The following COL4A1 variants were observed in gnomAD, a reference collection of about 807,000 sequenced individuals.
COL4A1 encodes collagen alpha-1(IV) chain.
A neutral mutation model predicts 216.6 loss-of-function variants in COL4A1; 40 were observed. That is an observed-to-expected ratio of 0.18 (90% confidence interval 0.14 to 0.24). The LOEUF is 0.24. COL4A1 is among the 10% of genes least tolerant of loss of function. The pLI is 1.00. For missense variants in COL4A1, 1,628 were observed against 2,196.8 expected (o/e 0.74, Z 5.18); for synonymous variants, 839 against 810.7 (o/e 1.03, Z -0.59).
At chr13:110,184,396 AG>A (rs1594558705) in intron 26 of COL4A1, among the ~76,000 whole-genome samples, 1 of 152,232 alleles carries the variant, frequency 6.6e-6, no homozygotes, top group Non-Finnish European at 1.5e-5. Flanking sequence ...TGTGGAATCA[AG>A]AGACCCAAGG....
chr13:110,167,297 C>A, intron 43 of COL4A1, 67 bp from the exon 44 acceptor site: 1 of 1,232,074 alleles, frequency 8.1e-7, no homozygotes, highest in Non-Finnish European at 1.2e-6. Context: ...CAGTAACCTG[C>A]TAGTTGGAAA....
chr13:110,168,507 G>A (rs916109012), intron 43 of COL4A1, among the ~76,000 whole-genome samples: 2 of 152,224 alleles, frequency 1.3e-5, no homozygotes, highest in African/African-American at 4.8e-5. Context: ...AAACATGACT[G>A]TTGCTACTCC....
rs370184092 is a variant in COL4A1 at position 110,219,836 on chromosome 13, G to T, written c.145-5821C>A. 6.8e-5 allele frequency among the ~76,000 whole-genome samples: 4 copies of T among 59,250 alleles called. No individual in the cohort carries two copies. The South Asian group carries it at 2.1e-3, about 30-fold the overall frequency. The allele number at this position is 59,250 out of a possible 152,430, so 38.9% of individuals were successfully genotyped here. A position where few individuals can be genotyped will look rare whatever the true frequency, so the allele number is the denominator to read the frequency against. ...TATATATGTATATATATGTATGTAT[G>T]TATATATGTGTATATATATGTATAT... On this transcript the variant is annotated intron_variant, in intron 2 of 51. Transcript: ENST00000375820.
At chr13:110,166,855 A>C (rs890493784) in intron 44 of COL4A1, among the ~76,000 whole-genome samples, 2 of 152,214 alleles carry the variant, frequency 1.3e-5, no homozygotes, top group Non-Finnish European at 2.9e-5. Context: ...GCTGGTAAGC[A>C]GCCCAAAAAT....
intron 1 of COL4A1, among the ~76,000 whole-genome samples, chr13:110,250,176 AAAC>A (rs1407840348): frequency 6.6e-6 from 1 of 152,074 alleles, no homozygotes; most frequent in Non-Finnish European, 1.5e-5. Flanking sequence ...CCTAATTTGA[AAAC>A]AACAAGAGTT....
chr13:110,302,352 G>A lies in COL4A1; in HGVS notation c.84+4592C>T, dbSNP rs184572030. 4.8e-3 allele frequency among the ~76,000 whole-genome samples: 720 copies of A among 151,016 alleles called. 20 individuals are homozygous for A. Among genetic ancestry groups the A allele is most frequent in the Admixed American group, 0.043 (655 of 15,168 alleles). Reference sequence around the variant, plus strand: ...AGCAAGACAGCCAAGGGGAGGCGTCGCGTGGAAATGTGAAGACGTTGAACT... The same window carrying A: ...AGCAAGACAGCCAAGGGGAGGCGTCACGTGGAAATGTGAAGACGTTGAACT... On this transcript the variant is annotated intron_variant, in intron 1 of 51. Transcript: ENST00000375820.
intron 26 of COL4A1, among the ~76,000 whole-genome samples, chr13:110,184,320 T>A (rs925586204): frequency 1.3e-5 from 2 of 152,272 alleles, no homozygotes; most frequent in Middle Eastern, 3.4e-3. Flanking sequence ...GAAAAGCTAA[T>A]TCCCTTCGAC....
chr13:110,291,049 G>T (rs1884066596), intron 1 of COL4A1, among the ~76,000 whole-genome samples: 1 of 152,210 alleles, frequency 6.6e-6, no homozygotes. Context: ...TGAATCACGT[G>T]CACAGACGTG....
chr13:110,299,122 G>C (rs76494909), intron 1 of COL4A1, among the ~76,000 whole-genome samples: 7 of 152,326 alleles, frequency 4.6e-5, no homozygotes, highest in Admixed American at 4.6e-4. Flanking sequence ...CAAAGAGAAC[G>C]GGGAGGGCCA....
At chr13:110,298,578 A>G (rs939132701) in intron 1 of COL4A1, 4 of 152,216 alleles carry the variant, frequency 2.6e-5, no homozygotes, top group African/African-American at 9.7e-5. Context: ...CCGGACCAAA[A>G]TTTAGGAGTT....
At chr13:110,283,805 A>T (rs1039012640) in intron 1 of COL4A1, among the ~76,000 whole-genome samples, 6 of 152,192 alleles carry the variant, frequency 3.9e-5, no homozygotes, top group Admixed American at 3.9e-4. Context: ...CTTGGACAGC[A>T]GCAGTGGGTG....
rs1284174967 is a variant in COL4A1 at position 110,152,348 on chromosome 13, C to G, written c.4914G>C (p.Arg1638Ser). 1 of 1,614,166 alleles carries G rather than the reference C, an allele frequency of 6.2e-7. No individual in the cohort carries two copies. The highest frequency in any genetic ancestry group is 1.7e-5 in the Admixed American group (1 of 60,024). ...CTCCCACTTACTTGAACATCTCGCTCCTCTCTATGGTGGCGAGCCAAAAGC... is the reference window on the plus strand; with the variant it reads ...CTCCCACTTACTTGAACATCTCGCTGCTCTCTATGGTGGCGAGCCAAAAGC... ...AYSFWLATIE[R>S]SEMFKKPTPS... Residue 1638 changes from arginine (R) to serine (S), a missense_variant, in exon 51 of 52, where the codon AGG becomes AGC. Physicochemically the swap from Arg to Ser is moderately radical, Grantham distance 110. Coordinates refer to ENST00000375820, the MANE Select transcript of COL4A1 (RefSeq NM_001845.6).
intron 1 of COL4A1, among the ~76,000 whole-genome samples, chr13:110,288,008 G>T (rs1883908726): frequency 6.6e-6 from 1 of 151,922 alleles, no homozygotes; most frequent in Admixed American, 6.6e-5. Context: ...TGTAATCTCA[G>T]CACTTTGGGA....
intron 47 of COL4A1, 91 bp downstream of exon 47, chr13:110,163,372 T>C: frequency 9.1e-7 from 1 of 1,103,036 alleles, no homozygotes; most frequent in Non-Finnish European, 1.4e-6. Context: ...TATATCCAAC[T>C]TCATTCTGCT....
chr13:110,198,078 G>GTGTGT (rs1555305317), intron 21 of COL4A1, among the ~76,000 whole-genome samples: 4,284 of 141,916 alleles, frequency 0.03, 86 homozygotes, highest in Middle Eastern at 0.065. Flanking sequence ...TTGTTTCTGG[G>GTGTGT]GTGTGTGTGT....
intron 21 of COL4A1, among the ~76,000 whole-genome samples, chr13:110,197,574 G>T (rs1878963153): frequency 6.6e-6 from 1 of 152,122 alleles, no homozygotes; most frequent in South Asian, 2.1e-4. Flanking sequence ...GTTCCCCAAA[G>T]TCACACATGA....
At chr13:110,269,499 C>T (rs1883163802) in intron 1 of COL4A1, among the ~76,000 whole-genome samples, 1 of 152,060 alleles carries the variant, frequency 6.6e-6, no homozygotes, top group Admixed American at 6.6e-5. Flanking sequence ...TGTTATTTTA[C>T]ATTTATCTTA....
chr13:110,253,804 T>TAC lies in COL4A1; in HGVS notation c.85-11071_85-11070insGT, dbSNP rs75694929. On this transcript the variant is annotated intron_variant, in intron 1 of 51. Coordinates refer to ENST00000375820, the MANE Select transcript of COL4A1 (RefSeq NM_001845.6). ...ATATACGTATAATTATACGTATATA[T>TAC]GTATAATTATACGTATGTATGTATT... 1.9e-4 allele frequency among the ~76,000 whole-genome samples: 13 copies of TAC among 68,024 alleles called. 2 individuals are homozygous for TAC. Among genetic ancestry groups the TAC allele is most frequent in the Non-Finnish European group, 4.3e-4 (11 of 25,332 alleles). The allele number at this position is 68,024 out of a possible 152,430, so 44.6% of individuals were successfully genotyped here.
chr13:110,292,135 T>C (rs1884114476), intron 1 of COL4A1, among the ~76,000 whole-genome samples: 1 of 152,202 alleles, frequency 6.6e-6, no homozygotes, highest in Non-Finnish European at 1.5e-5. Flanking sequence ...TTGGAAGCAT[T>C]GTCAAATTTA....
Sources: gnomAD v4.1 joint callset for allele counts (sites outside exome capture counted in the v4.1 genomes callset) on GRCh38, gnomAD v4.1.1 for gene constraint, MANE v1.5 for transcripts, NCBI Gene and HGNC (gene_info 2026-07-23, HGNC 2026-07-21) for gene names.